Variants in DCDC1 observed in about 807,000 individuals in gnomAD.
DCDC1 encodes the protein doublecortin domain-containing protein 1.
In DCDC1, 200 loss-of-function variants were observed where a neutral mutation model predicts 178.3. The ratio of observed to expected loss-of-function variants is 1.12; its 90% CI spans 1.00 to 1.26. DCDC1 has a LOEUF of 1.26. Ranked by LOEUF, DCDC1 falls within the 50% of genes most tolerant of loss-of-function variation. The probability of loss-of-function intolerance (pLI) is 0.00; values close to 1 mark genes in which losing one functional copy is unlikely to be tolerated. For missense variants in DCDC1, 1,983 were observed against 1,749.2 expected, an observed-to-expected ratio of 1.13 and a Z score of -2.38; for synonymous variants, 690 against 604.8, an observed-to-expected ratio of 1.14 and a Z score of -2.07.
chr11:30,954,260 C>T (rs995126183), intron 20 of DCDC1, among the ~76,000 whole-genome samples: 4 of 151,930 alleles, frequency 2.6e-5, no homozygotes, highest in African/African-American at 7.3e-5. Context: ...CGTGATCTGC[C>T]GGCCTCGGCC....
At chr11:31,283,034 G>A (rs1377794573) in intron 7 of DCDC1, among the ~76,000 whole-genome samples, 1 of 152,102 alleles carries the variant, frequency 6.6e-6, no homozygotes, top group East Asian at 1.9e-4. Flanking sequence ...ACTGCTTACA[G>A]CAATGTGATT....
chr11:31,350,129 A>G (rs1049249713), intron 1 of DCDC1, among the ~76,000 whole-genome samples: 4 of 152,194 alleles, frequency 2.6e-5, no homozygotes, highest in African/African-American at 9.7e-5. Context: ...TTTTGGAAAT[A>G]AATCAACTTC....
chr11:31,128,272 A>G (rs938261170), intron 10 of DCDC1, among the ~76,000 whole-genome samples: 11 of 152,098 alleles, frequency 7.2e-5, no homozygotes, highest in Admixed American at 1.3e-4. Context: ...AATAAAACGT[A>G]TAGTTTTTCC....
At chr11:31,308,531 G>C (rs1330539423) in intron 3 of DCDC1, among the ~76,000 whole-genome samples, 1 of 152,158 alleles carries the variant, frequency 6.6e-6, no homozygotes, top group Non-Finnish European at 1.5e-5. Flanking sequence ...ACTCATCTCT[G>C]TTCAGGACTA....
intron 31 of DCDC1, 54 bp from the exon 32 acceptor site, chr11:30,903,737 T>C: frequency 7.2e-7 from 1 of 1,397,910 alleles, no homozygotes; most frequent in South Asian, 1.7e-5. Context: ...GCATTGGGAA[T>C]GATCATTAAG....
At chr11:30,889,721 C>T (rs1400040860) in intron 36 of DCDC1, among the ~76,000 whole-genome samples, 2 of 152,204 alleles carry the variant, frequency 1.3e-5, no homozygotes, top group Non-Finnish European at 2.9e-5. Context: ...TCTAGACATT[C>T]TCTAAGTGTC....
At chr11:31,014,041 TC>T (rs1288194634) in intron 20 of DCDC1, among the ~76,000 whole-genome samples, 1 of 152,166 alleles carries the variant, frequency 6.6e-6, no homozygotes, top group African/African-American at 2.4e-5. Context: ...ACTTCAAAAT[TC>T]CTATGTCAAA....
chr11:31,184,158 A>G (rs947322467), intron 9 of DCDC1, among the ~76,000 whole-genome samples: 8 of 152,220 alleles, frequency 5.3e-5, no homozygotes, highest in African/African-American at 1.9e-4. Flanking sequence ...CTGATCTTTG[A>G]CAAGCCTGAC....
At chr11:31,251,403 G>A (rs1371998037) in intron 8 of DCDC1, among the ~76,000 whole-genome samples, 1 of 152,136 alleles carries the variant, frequency 6.6e-6, no homozygotes, top group Non-Finnish European at 1.5e-5. Context: ...AGTAGACTAA[G>A]TAAAGCAGAT....
At chr11:31,161,291 T>C (rs1966295897) in intron 9 of DCDC1, among the ~76,000 whole-genome samples, 2 of 152,170 alleles carry the variant, frequency 1.3e-5, no homozygotes, top group South Asian at 4.1e-4. Context: ...CTATCAAGCC[T>C]CATCAGGAAC....
chr11:31,242,538 C>G (rs1348222443), intron 8 of DCDC1, among the ~76,000 whole-genome samples: 4 of 151,866 alleles, frequency 2.6e-5, no homozygotes, highest in Admixed American at 1.3e-4. Context: ...GTGACACAAA[C>G]TTAAACATGC....
Position 31,306,490 on chromosome 11 carries a change from A to T in DCDC1, c.435-102T>A, listed in dbSNP as rs1316648371. 2.4e-6 allele frequency: 3 copies of T among 1,272,350 alleles called. No homozygotes were observed. In the South Asian group the frequency reaches 6.0e-5, roughly 25 times the overall value. The allele number at this position is 1,272,350 out of a possible 1,614,324, so 78.8% of individuals were successfully genotyped here. A position where few individuals can be genotyped will look rare whatever the true frequency, so the allele number is the denominator to read the frequency against. On this transcript the variant is annotated intron_variant, in intron 4 of 38. Transcript: ENST00000684477. ...TTTTAAACAGATATAAGCACTAAAG[A>T]TTGTTCCTATGTATATAAGTATACC...
chr11:31,358,688 A>T (rs1038867124), intron 1 of DCDC1, among the ~76,000 whole-genome samples: 2 of 152,222 alleles, frequency 1.3e-5, no homozygotes, highest in African/African-American at 4.8e-5. Context: ...CAACCTACTC[A>T]TCTGACAAAG....
chr11:31,308,431 T>C lies in DCDC1; in HGVS notation c.165-523A>G, dbSNP rs540026345. 1.4e-4 allele frequency among the ~76,000 whole-genome samples: 22 copies of C among 152,306 alleles called. No individual in the cohort carries two copies. In the South Asian group the frequency reaches 2.1e-3, roughly 14 times the overall value. On this transcript the variant is annotated intron_variant, in intron 3 of 38. Coordinates refer to ENST00000684477, the MANE Select transcript of DCDC1 (RefSeq NM_001387274.1). ...AACTGAAACTGAGTGTGTATTAGCC[T>C]TAAAGATGAAAATAATTCATTGAAG...
At chr11:31,134,962 T>A (rs1019321803) in intron 10 of DCDC1, among the ~76,000 whole-genome samples, 13 of 152,152 alleles carry the variant, frequency 8.5e-5, no homozygotes, top group Middle Eastern at 3.2e-3. Flanking sequence ...CACTGCTTCA[T>A]TCTAGTCTAG....
At chr11:30,952,327 A>T in intron 21 of DCDC1, 118 bp downstream of exon 21, 1 of 854,338 alleles carries the variant, frequency 1.2e-6, no homozygotes, top group Non-Finnish European at 1.6e-6. Context: ...AGCAAGTTTG[A>T]TATCTTGCAC....
At chr11:30,868,488 T>C (rs1287992886) in intron 38 of DCDC1, among the ~76,000 whole-genome samples, 2 of 151,968 alleles carry the variant, frequency 1.3e-5, no homozygotes, top group Non-Finnish European at 2.9e-5. Flanking sequence ...TGACCTCAGG[T>C]GATCCACCCA....
At chr11:30,915,837 G>T in intron 26 of DCDC1, 126 bp from the exon 27 acceptor site, 2 of 873,150 alleles carry the variant, frequency 2.3e-6, no homozygotes, top group East Asian at 2.7e-5. Context: ...AACTTGAAAT[G>T]ATAGACCATA....
chr11:31,237,163 A>C (rs994314270), intron 9 of DCDC1, among the ~76,000 whole-genome samples: 4 of 151,904 alleles, frequency 2.6e-5, no homozygotes, highest in African/African-American at 9.7e-5. Context: ...TAATTACCAA[A>C]CTTATTGAAA....
Sources: allele counts gnomAD v4.1 joint callset (sites outside exome capture counted in the v4.1 genomes callset), GRCh38; gene constraint gnomAD v4.1.1; transcripts MANE v1.5; gene names NCBI Gene and HGNC (gene_info 2026-07-23, HGNC 2026-07-21).